Variants in RGL3 observed in about 807,000 individuals in gnomAD.
RGL3 encodes ral guanine nucleotide dissociation stimulator-like 3.
A neutral mutation model predicts 90.6 loss-of-function variants in RGL3; 85 were observed. The observed-to-expected ratio is 0.94, with a 90% CI of 0.79 to 1.12. The LOEUF is 1.12. RGL3 is among the 50% of genes most tolerant of loss of function. RGL3 has a pLI of 0.00. For synonymous variants in RGL3, 408 were observed against 385.5 expected (o/e 1.06, Z -0.68); for missense variants, 1,034 against 939.2 (o/e 1.10, Z -1.32).
intron 16 of RGL3, among the ~76,000 whole-genome samples, chr19:11,397,990 CAG>C (rs895759815): frequency 6.6e-6 from 1 of 151,846 alleles, no homozygotes; most frequent in Non-Finnish European, 1.5e-5. Flanking sequence ...GCCTGCGTGA[CAG>C]AGCAAGACTC....
At chr19:11,410,915 G>C (rs1233360288) in intron 5 of RGL3, among the ~76,000 whole-genome samples, 1 of 151,530 alleles carries the variant, frequency 6.6e-6, no homozygotes, top group Non-Finnish European at 1.5e-5. Context: ...AGAGACTTAG[G>C]AACAAACGAC....
At position 11,406,416 on chromosome 19, in the gene RGL3, C is replaced by T. The variant is rs1366415616; in HGVS notation, c.996+3G>A. ...GCATCCCCTCTCCGCGCCCGCAACA[C>T]ACCTGGGCGATGCGGATCCACTTCT... On this transcript the variant is annotated splice_donor_region_variant and intron_variant, in intron 7 of 18. Transcript: ENST00000380456. 1 of 1,534,732 alleles carries T rather than the reference C, an allele frequency of 6.5e-7. No homozygotes were observed. The highest frequency in any genetic ancestry group is 1.2e-5 in the South Asian group (1 of 83,872).
intron 9 of RGL3, among the ~76,000 whole-genome samples, chr19:11,404,730 C>T (rs11878900): frequency 0.021 from 3,210 of 152,164 alleles, 105 homozygotes; most frequent in African/African-American, 0.073. Flanking sequence ...CCCAGGGATC[C>T]ATTCTAGATT....
chr19:11,394,497 T>C lies in RGL3; in HGVS notation c.2038A>G (p.Asn680Asp). The C allele has an allele frequency of 6.2e-7, 1 of 1,613,886 alleles. No individual in the cohort carries two copies. Among genetic ancestry groups the C allele is most frequent in the Non-Finnish European group, 8.5e-7 (1 of 1,179,942 alleles). Residue 680 changes from asparagine to aspartate, a missense_variant, in exon 19 of 19, where the codon AAC becomes GAC. Physicochemically the swap from Asn to Asp is conservative, Grantham distance 23. Transcript: ENST00000380456. ...DRVLLIPDNA[N>D]VFYAMSPVAP... Reference sequence around the variant, plus strand: ...ACTGGACTCATGGCATAGAAGACGTTGGCATTGTCAGGAATCAGGAGCACT... The same window carrying C: ...ACTGGACTCATGGCATAGAAGACGTCGGCATTGTCAGGAATCAGGAGCACT...
rs775136185 is a variant in RGL3, at chr19:11,418,683, G to C, written c.135C>G (p.Pro45=). The change falls in exon 2 of 19, where the codon CCC becomes CCG. Residue 45 remains proline (P), a synonymous_variant. Transcript: ENST00000380456. ...ACCCCCTCCTCACCTGGCTGCCCCC[G>C]GGGCCCTCCGCCGGGCTCCTGCGCT... is the stretch of plus-strand genomic sequence containing the variant. ...RSQRRSPAEG[P]GGSQAPSPIA... The C allele has an allele frequency of 3.9e-6, 6 of 1,555,954 alleles. No homozygotes were observed. The East Asian group carries it at 7.1e-5, about 18-fold the overall frequency.
chr19:11,416,437 G>A, intron 4 of RGL3, 177 bp downstream of exon 4: 2 of 709,472 alleles, frequency 2.8e-6, no homozygotes, highest in African/African-American at 1.7e-5. Flanking sequence ...GACCTCCAGT[G>A]ATCCACCTGC....
chr19:11,403,784 C>T (rs1968723250), intron 9 of RGL3, among the ~76,000 whole-genome samples: 1 of 152,056 alleles, frequency 6.6e-6, no homozygotes, highest in Admixed American at 6.6e-5. Context: ...GCCCCCAGGG[C>T]TGGCCTTAAC....
chr19:11,417,157 TG>T (rs1266888719), intron 2 of RGL3, 98 bp from the exon 3 acceptor site: 35 of 892,130 alleles, frequency 3.9e-5, no homozygotes, highest in Admixed American at 6.4e-5. Flanking sequence ...TTTTTTTTTT[TG>T]TTTTTTTTTT....
intron 9 of RGL3, among the ~76,000 whole-genome samples, chr19:11,404,259 G>A (rs1968730221): frequency 6.6e-6 from 1 of 152,238 alleles, no homozygotes; most frequent in South Asian, 2.1e-4. Context: ...TGGGAGTGAT[G>A]GCTCACGCCT....
At chr19:11,399,069 C>T (rs1968626195) in intron 16 of RGL3, among the ~76,000 whole-genome samples, 1 of 152,144 alleles carries the variant, frequency 6.6e-6, no homozygotes, top group African/African-American at 2.4e-5. Flanking sequence ...ATCCTTCCAC[C>T]TCAGCCTGCT....
chr19:11,401,983 G>A (rs1421010083), intron 13 of RGL3, 28 bp downstream of exon 13: 2 of 1,511,424 alleles, frequency 1.3e-6, no homozygotes, highest in Non-Finnish European at 1.8e-6. Context: ...AGCTGGGGTG[G>A]GGCTGGGACA....
Position 11,417,041 on chromosome 19 carries a change from T to C in RGL3, c.166A>G (p.Asn56Asp). The C allele has an allele frequency of 6.2e-7, 1 of 1,606,294 alleles. No homozygotes were observed. Among genetic ancestry groups the C allele is most frequent in the Non-Finnish European group, 8.5e-7 (1 of 1,175,696 alleles). Reference sequence around the variant, plus strand: ...CTGGTTCGATAGTGGAGGAAGGTATTGGCAATGGGGCTGGGAGCCTGCAGG... The same window carrying C: ...CTGGTTCGATAGTGGAGGAAGGTATCGGCAATGGGGCTGGGAGCCTGCAGG... ...GGSQAPSPIA[N>D]TFLHYRTSKV... Residue 56 changes from asparagine to aspartate, a missense_variant, in exon 3 of 19, where the codon AAT becomes GAT. Asn to Asp is a conservative substitution (Grantham distance 23). Transcript: ENST00000380456.
chr19:11,413,231 G>GAAAAAA (rs765531257), intron 5 of RGL3, among the ~76,000 whole-genome samples: 4 of 89,200 alleles, frequency 4.5e-5, no homozygotes, highest in Admixed American at 2.6e-4. Context: ...TTTTGAAAAA[G>GAAAAAA]AAAAAAAAAA....
chr19:11,414,490 C>CAT (rs57862666), intron 5 of RGL3, among the ~76,000 whole-genome samples: 1,273 of 27,808 alleles, frequency 0.046, 78 homozygotes, highest in Middle Eastern at 0.11. Flanking sequence ...TATACACCTT[C>CAT]ATATATATAT....
At chr19:11,414,153 A>ATATATATATATATATATATATACACACC (rs1968921707) in intron 5 of RGL3, among the ~76,000 whole-genome samples, 1 of 85,026 alleles carries the variant, frequency 1.2e-5, no homozygotes, top group Non-Finnish European at 2.3e-5. Context: ...ATATATATAT[A>ATATATATATATATATATATATACACACC]TATATATATA....
intron 5 of RGL3, among the ~76,000 whole-genome samples, chr19:11,414,515 ATATATATATATATACCTT>A (rs1197240546): frequency 1.9e-4 from 21 of 111,590 alleles, no homozygotes; most frequent in Non-Finnish European, 1.8e-4. Flanking sequence ...ATATATATAT[ATATATATATATATACCTT>A]TATATATATA....
At chr19:11,412,183 G>A (rs1474277081) in intron 5 of RGL3, among the ~76,000 whole-genome samples, 3 of 151,608 alleles carry the variant, frequency 2.0e-5, no homozygotes, top group Non-Finnish European at 4.4e-5. Context: ...GGGAGGCTGA[G>A]GCAGGAGAAT....
intron 5 of RGL3, among the ~76,000 whole-genome samples, chr19:11,407,791 A>G (rs1166654143): frequency 1.3e-5 from 2 of 151,626 alleles, no homozygotes; most frequent in African/African-American, 4.8e-5. Flanking sequence ...GTTTCAACCA[A>G]TTCTCCTGCC....
At position 11,394,312 on chromosome 19, in the gene RGL3, G is replaced by C; in HGVS notation, c.*90C>G. 4.3e-6 allele frequency: 4 copies of C among 940,746 alleles called. No homozygotes were observed. The highest frequency in any genetic ancestry group is 7.0e-6 in the Non-Finnish European group (4 of 570,172). The allele number at this position is 940,746 out of a possible 1,614,324, so 58.3% of individuals were successfully genotyped here. On this transcript the variant is annotated 3_prime_UTR_variant, in exon 19 of 19. Transcript: ENST00000380456. Reference sequence around the variant, plus strand: ...TGGTGGTCCTGGGATACACAGCACAGTGGCCTCTACTGGGGGATGGCAGCT... The same window carrying C: ...TGGTGGTCCTGGGATACACAGCACACTGGCCTCTACTGGGGGATGGCAGCT...
Sources: gnomAD v4.1 joint callset for allele counts (sites outside exome capture counted in the v4.1 genomes callset) on GRCh38, gnomAD v4.1.1 for gene constraint, MANE v1.5 for transcripts, NCBI Gene and HGNC (gene_info 2026-07-23, HGNC 2026-07-21) for gene names.